Variants in SYT16 observed in about 807,000 individuals in gnomAD.
The protein encoded by SYT16 is synaptotagmin 16, also known as synaptotagmin-16.
Under a neutral mutation model 61.4 loss-of-function variants are expected in SYT16, and 42 were observed. The ratio of observed to expected loss-of-function variants is 0.68; its 90% CI spans 0.53 to 0.89. The LOEUF (loss-of-function observed/expected upper bound fraction) is 0.89, where lower values mean the gene tolerates loss of function less well. Ranked by LOEUF, SYT16 falls within the 40% of genes least tolerant of loss-of-function variation. The pLI is 0.00. For synonymous variants in SYT16, 314 were observed against 302.3 expected, an observed-to-expected ratio of 1.04 and a Z score of -0.40; for missense variants, 804 against 807.3, an observed-to-expected ratio of 1.00 and a Z score of 0.05.
At chr14:62,068,876 A>G (rs1384312293) in intron 3 of SYT16, among the ~76,000 whole-genome samples, 3 of 151,884 alleles carry the variant, frequency 2.0e-5, no homozygotes, top group African/African-American at 7.3e-5. Context: ...GCTCACTGCA[A>G]CCTCCACTTC....
At chr14:61,908,979 C>T (rs1427326331) in intron 1 of SYT16, among the ~76,000 whole-genome samples, 4 of 152,162 alleles carry the variant, frequency 2.6e-5, no homozygotes, top group Non-Finnish European at 4.4e-5. Context: ...CATGCCATTA[C>T]ACCTGGCCAA....
At chr14:61,913,334 T>C (rs1036691607) in intron 1 of SYT16, among the ~76,000 whole-genome samples, 2 of 152,178 alleles carry the variant, frequency 1.3e-5, no homozygotes, top group Non-Finnish European at 2.9e-5. Context: ...AAATACAGTT[T>C]GCTACCATGG....
intron 1 of SYT16, among the ~76,000 whole-genome samples, chr14:61,886,482 C>T (rs1377485949): frequency 1.3e-5 from 2 of 152,172 alleles, no homozygotes; most frequent in Non-Finnish European, 2.9e-5. Context: ...TCACTTCAGC[C>T]GTGTCCACAG....
At chr14:61,823,549 C>G (rs1212718224) in intron 1 of SYT16, among the ~76,000 whole-genome samples, 1 of 71,020 alleles carries the variant, frequency 1.4e-5, no homozygotes, top group Non-Finnish European at 2.7e-5. Context: ...GTCAACATGG[C>G]AAAAACCCAT....
At chr14:61,851,756 G>C (rs2046627856) in intron 1 of SYT16, among the ~76,000 whole-genome samples, 1 of 152,140 alleles carries the variant, frequency 6.6e-6, no homozygotes, top group Non-Finnish European at 1.5e-5. Flanking sequence ...TAATGGGGTT[G>C]TTTGCTTTTT....
chr14:61,878,700 C>T (rs1369477096), intron 1 of SYT16, among the ~76,000 whole-genome samples: 2 of 152,198 alleles, frequency 1.3e-5, no homozygotes, highest in African/African-American at 4.8e-5. Flanking sequence ...GCCTCTCTTC[C>T]TATCACTGCA....
At chr14:62,083,239 G>A (rs1327806775) in intron 6 of SYT16, among the ~76,000 whole-genome samples, 2 of 152,146 alleles carry the variant, frequency 1.3e-5, no homozygotes, top group Admixed American at 6.5e-5. Context: ...CCTTTTATTG[G>A]TTCTAATTAT....
intron 3 of SYT16, among the ~76,000 whole-genome samples, chr14:62,049,851 T>C (rs1044121447): frequency 5.9e-5 from 9 of 152,252 alleles, no homozygotes; most frequent in Non-Finnish European, 8.8e-5. Flanking sequence ...GCTGTTAGTC[T>C]GATGGGCTTC....
Position 61,996,224 on chromosome 14 carries a change from G to A in SYT16, c.205G>A (p.Asp69Asn). The A allele has an allele frequency of 6.2e-7, 1 of 1,613,606 alleles. No individual in the cohort carries two copies. Among genetic ancestry groups the A allele is most frequent in the Non-Finnish European group, 8.5e-7 (1 of 1,179,636 alleles). The change falls in exon 3 of 8, where the codon GAT becomes AAT. Residue 69 changes from aspartate to asparagine, a missense_variant. Asp to Asn is a conservative substitution (Grantham distance 23, BLOSUM62 1). Coordinates refer to ENST00000683842, the MANE Select transcript of SYT16 (RefSeq NM_001367656.1). ...TCAGATTCAGGAAACGTACTTTGAA[G>A]ATGAAGAACAAGACAATGATTGGAG... ...NIQIQETYFE[D>N]EEQDNDWSQE...
chr14:61,919,136 A>G (rs1378213140), intron 1 of SYT16, among the ~76,000 whole-genome samples: 1 of 152,118 alleles, frequency 6.6e-6, no homozygotes, highest in African/African-American at 2.4e-5. Context: ...CATGTGTTCC[A>G]TTATTAGACC....
chr14:61,873,285 G>T (rs1257676472), intron 1 of SYT16, among the ~76,000 whole-genome samples: 2 of 152,172 alleles, frequency 1.3e-5, no homozygotes, highest in Non-Finnish European at 2.9e-5. Context: ...CCCATTATCT[G>T]AAGAGAAACC....
chr14:61,813,104 G>A (rs1403829270), intron 1 of SYT16, among the ~76,000 whole-genome samples: 1 of 152,268 alleles, frequency 6.6e-6, no homozygotes, highest in Non-Finnish European at 1.5e-5. Flanking sequence ...CTGCCCCCAG[G>A]CCCAGAGCCA....
intron 3 of SYT16, among the ~76,000 whole-genome samples, chr14:62,064,032 T>C (rs1437248855): frequency 6.6e-6 from 1 of 152,184 alleles, no homozygotes; most frequent in Non-Finnish European, 1.5e-5. Context: ...GATAATTGTG[T>C]AACTTTTTTT....
chr14:61,834,271 C>T (rs549738726), intron 1 of SYT16, among the ~76,000 whole-genome samples: 68 of 151,880 alleles, frequency 4.5e-4, no homozygotes, highest in African/African-American at 1.6e-3. Context: ...GCTGGGATTA[C>T]AGGCACCTGC....
chr14:61,986,795 T>C (rs2052335735), intron 2 of SYT16, among the ~76,000 whole-genome samples: 1 of 152,214 alleles, frequency 6.6e-6, no homozygotes, highest in Non-Finnish European at 1.5e-5. Flanking sequence ...GCAAAATGTG[T>C]TAAAATGTTA....
chr14:62,100,039 T>A (rs1468410885), intron 7 of SYT16, among the ~76,000 whole-genome samples: 1 of 152,252 alleles, frequency 6.6e-6, no homozygotes, highest in East Asian at 1.9e-4. Context: ...TGTGTATATT[T>A]ATCTTGTTAC....
At chr14:62,036,864 A>G (rs1431288333) in intron 3 of SYT16, among the ~76,000 whole-genome samples, 1 of 152,180 alleles carries the variant, frequency 6.6e-6, no homozygotes, top group Non-Finnish European at 1.5e-5. Flanking sequence ...GGCACACCAT[A>G]TACTGAGCAA....
At chr14:61,818,857 G>C (rs1168468501) in intron 1 of SYT16, among the ~76,000 whole-genome samples, 2 of 152,094 alleles carry the variant, frequency 1.3e-5, no homozygotes, top group Non-Finnish European at 2.9e-5. Context: ...GCTTGTTCTT[G>C]TTTTGTTTGC....
chr14:61,891,976 G>T (rs574917229), intron 1 of SYT16, among the ~76,000 whole-genome samples: 3 of 152,290 alleles, frequency 2.0e-5, no homozygotes, highest in Middle Eastern at 3.4e-3. Context: ...AAATGCAAAA[G>T]AATTTATTGA....
Sources: gnomAD v4.1 joint callset for allele counts (sites outside exome capture counted in the v4.1 genomes callset) on GRCh38, gnomAD v4.1.1 for gene constraint, MANE v1.5 for transcripts, NCBI Gene and HGNC (gene_info 2026-07-23, HGNC 2026-07-21) for gene names.